ZFHX3: variants seen among roughly 807,000 people sequenced by gnomAD.
ZFHX3 encodes the protein zinc finger homeobox 3.
Under a neutral mutation model 279.1 loss-of-function variants are expected in ZFHX3, and 42 were observed. The observed-to-expected ratio is 0.15, with a 90% CI of 0.12 to 0.19. ZFHX3 has a LOEUF of 0.19. Among genes scored for constraint, ZFHX3 ranks in the 10% least tolerant of loss-of-function variants. The pLI is 1.00. For synonymous variants in ZFHX3, 2,293 were observed against 1,957.8 expected, an observed-to-expected ratio of 1.17 and a Z score of -4.52; for missense variants, 4,981 against 4,754.0, an observed-to-expected ratio of 1.05 and a Z score of -1.40.
intron 1 of ZFHX3, among the ~76,000 whole-genome samples, chr16:73,040,308 G>A (rs1965064953): frequency 6.6e-6 from 1 of 152,076 alleles, no homozygotes; most frequent in African/African-American, 2.4e-5. Flanking sequence ...GCGTGGTGCT[G>A]AATGAGAACA....
intron 2 of ZFHX3, among the ~76,000 whole-genome samples, chr16:73,679,128 ATT>A (rs34713247): frequency 3.3e-5 from 5 of 149,582 alleles, no homozygotes; most frequent in Admixed American, 1.3e-4. Flanking sequence ...AGAGGGGCTT[ATT>A]TTTTTTTTTA....
intron 1 of ZFHX3, among the ~76,000 whole-genome samples, chr16:73,694,178 C>A (rs959210322): frequency 6.6e-6 from 1 of 151,932 alleles, no homozygotes; most frequent in Non-Finnish European, 1.5e-5. Context: ...TAAAAATTAG[C>A]CAGGCGTGGT....
intron 1 of ZFHX3, among the ~76,000 whole-genome samples, chr16:73,714,827 T>G (rs988566548): frequency 1.3e-5 from 2 of 152,206 alleles, no homozygotes; most frequent in African/African-American, 4.8e-5. Context: ...GCTTTTCACT[T>G]TCCTGCTCAG....
At chr16:72,826,567 G>A (rs560313687) in intron 5 of ZFHX3, among the ~76,000 whole-genome samples, 25 of 152,282 alleles carry the variant, frequency 1.6e-4, no homozygotes, top group African/African-American at 4.8e-4. Flanking sequence ...CACCTGTATC[G>A]ATTCCAAGAT....
chr16:73,364,479 T>G (rs1431143235), intron 3 of ZFHX3, among the ~76,000 whole-genome samples: 1 of 152,016 alleles, frequency 6.6e-6, no homozygotes, highest in Non-Finnish European at 1.5e-5. Flanking sequence ...TTCGGTCTGG[T>G]CAGGGAGACA....
In ZFHX3 at chr16:73,885,234, CA is replaced by C. The variant is rs575600450; in HGVS notation, c.-1608+6416del. Among the ~76,000 whole-genome samples, 16 of 152,150 alleles carry C rather than the reference CA, an allele frequency of 1.1e-4. No individual in the cohort carries two copies. The South Asian group carries it at 1.2e-3, about 12-fold the overall frequency. ...TTTTCCCTTTGACTGAAGGGTGAGA[CA>C]GGGGGGTATTAAAAACTGATCAATG... On this transcript the variant is annotated intron_variant, in intron 1 of 17. Transcript: ENST00000641206.
intron 5 of ZFHX3, among the ~76,000 whole-genome samples, chr16:72,826,707 T>C (rs189843298): frequency 6.6e-5 from 10 of 152,314 alleles, no homozygotes; most frequent in East Asian, 5.8e-4. Context: ...CTCTTTACTA[T>C]TGTGCAGCTG....
chr16:73,835,458 CTTTTTTTTT>C (rs34127285), intron 1 of ZFHX3, among the ~76,000 whole-genome samples: 39 of 49,530 alleles, frequency 7.9e-4, no homozygotes, highest in Non-Finnish European at 6.6e-4. Flanking sequence ...CCCTCTTCTG[CTTTTTTTTT>C]TTTTTTTTTT....
Position 72,786,896 on chromosome 16 carries a change from T to C in ZFHX3, c.*268A>G, listed in dbSNP as rs1450256660. 9.5e-6 allele frequency: 2 copies of C among 209,596 alleles called. No individual in the cohort carries two copies. The highest frequency in any genetic ancestry group is 1.8e-5 in the Non-Finnish European group (2 of 110,868). 13.0% of individuals were successfully genotyped at this position (209,596 alleles called of 1,614,324 possible). On this transcript the variant is annotated 3_prime_UTR_variant, in exon 10 of 10. Transcript: ENST00000268489. ...TGCGGACTTCTGTTTCCCAGACCAA[T>C]AGTACCTTCAAAAGGACACAATGTA... is the stretch of plus-strand genomic sequence containing the variant.
At chr16:73,403,862 T>C (rs1252662924) in intron 3 of ZFHX3, among the ~76,000 whole-genome samples, 3 of 151,976 alleles carry the variant, frequency 2.0e-5, no homozygotes, top group Admixed American at 6.5e-5. Context: ...ATCGGCAAAT[T>C]TGCCAAATGT....
Position 72,793,181 on chromosome 16 carries a change from G to T in ZFHX3, c.9427+74C>A. ...ATCTGCCCAGCACTCAGAGGGTTTG[G>T]GTGGTATCCACATAACAGAATGCTG... On this transcript the variant is annotated intron_variant, in intron 9 of 9. Coordinates refer to ENST00000268489, the MANE Select transcript of ZFHX3 (RefSeq NM_006885.4). This position sits in a 1 kb window ranked among gnomAD's most constrained non-coding sequence, Gnocchi z 4.3. The T allele has an allele frequency of 7.2e-6, 11 of 1,525,324 alleles. No individual in the cohort carries two copies. Among genetic ancestry groups the T allele is most frequent in the Non-Finnish European group, 9.7e-6 (11 of 1,139,156 alleles). 94.5% of individuals were successfully genotyped at this position (1,525,324 alleles called of 1,614,324 possible). A position where few individuals can be genotyped will look rare whatever the true frequency, so the allele number is the denominator to read the frequency against.
At chr16:73,752,273 G>A (rs923462797) in intron 1 of ZFHX3, among the ~76,000 whole-genome samples, 1 of 151,960 alleles carries the variant, frequency 6.6e-6, no homozygotes, top group Non-Finnish European at 1.5e-5. Context: ...AGTTTGAGAG[G>A]GTGTCAGCTC....
intron 3 of ZFHX3, among the ~76,000 whole-genome samples, chr16:73,333,395 T>C (rs1336251541): frequency 2.0e-5 from 3 of 151,962 alleles, no homozygotes; most frequent in African/African-American, 7.2e-5. Flanking sequence ...CATACATACA[T>C]AGACACACAG....
chr16:73,204,358 C>T (rs1386226987), intron 5 of ZFHX3, among the ~76,000 whole-genome samples: 1 of 151,898 alleles, frequency 6.6e-6, no homozygotes, highest in Non-Finnish European at 1.5e-5. Context: ...AATGGGAGCT[C>T]TGAGCTTGTT....
chr16:72,907,222 A>C (rs1228505526), intron 3 of ZFHX3, among the ~76,000 whole-genome samples: 10 of 152,136 alleles, frequency 6.6e-5, no homozygotes, highest in Non-Finnish European at 1.3e-4. Context: ...ATGACTCTAT[A>C]ATAGCATAAG....
intron 5 of ZFHX3, among the ~76,000 whole-genome samples, chr16:72,828,428 A>G (rs764921729): frequency 2.0e-5 from 3 of 152,184 alleles, no homozygotes; most frequent in Admixed American, 6.5e-5. Flanking sequence ...AAAGCTTATC[A>G]TCTTGAGAAA....
intron 2 of ZFHX3, among the ~76,000 whole-genome samples, chr16:73,516,901 A>G (rs189225955): frequency 3.2e-4 from 48 of 152,276 alleles, no homozygotes; most frequent in African/African-American, 1.1e-3. Flanking sequence ...TTATACATCA[A>G]TGTCTGTCAT....
At chr16:73,800,996 C>G (rs1741594649) in intron 1 of ZFHX3, among the ~76,000 whole-genome samples, 1 of 152,166 alleles carries the variant, frequency 6.6e-6, no homozygotes, top group South Asian at 2.1e-4. Flanking sequence ...CTTTAGAGTG[C>G]AATAACTATA....
intron 3 of ZFHX3, among the ~76,000 whole-genome samples, chr16:72,902,524 T>G (rs1415587678): frequency 1.3e-5 from 2 of 152,232 alleles, no homozygotes; most frequent in African/African-American, 4.8e-5. Context: ...CACCCGTCCC[T>G]GGGGACAGAC....
Sources: gnomAD v4.1 joint callset for allele counts (sites outside exome capture counted in the v4.1 genomes callset) on GRCh38, gnomAD v4.1.1 for gene constraint, Gnocchi (gnomAD v3.1) non-coding constraint, MANE v1.5 for transcripts, NCBI Gene and HGNC (gene_info 2026-07-23, HGNC 2026-07-21) for gene names.